BRD10: variants seen among roughly 807,000 people sequenced by gnomAD.
The protein encoded by BRD10 is bromodomain containing 10, also known as uncharacterized bromodomain-containing protein 10.
At chr9:5,969,710 A>C in the BRD10 span, among the ~76,000 whole-genome samples, 1 of 152,048 alleles carries the variant, frequency 6.6e-6, no homozygotes, top group African/African-American at 2.4e-5. Context: ...CACCCAGCTA[A>C]CATTTTGTAT....
At chr9:5,997,104 C>T in the BRD10 span, among the ~76,000 whole-genome samples, 4 of 152,174 alleles carry the variant, frequency 2.6e-5, no homozygotes, top group African/African-American at 9.7e-5. Context: ...GGCAGGAAAG[C>T]TAGAGCAAGT....
the BRD10 span, among the ~76,000 whole-genome samples, chr9:5,930,159 A>G: frequency 6.8e-4 from 100 of 147,928 alleles, no homozygotes; most frequent in Non-Finnish European, 1.2e-3. Flanking sequence ...TAATTCACAC[A>G]TCACACAATC....
the BRD10 span, among the ~76,000 whole-genome samples, chr9:5,907,408 T>C: frequency 6.6e-6 from 1 of 152,220 alleles, no homozygotes; most frequent in East Asian, 1.9e-4. Context: ...AGAGCTGTGC[T>C]GTCTGATGGC....
the BRD10 span, among the ~76,000 whole-genome samples, chr9:5,904,380 T>G: frequency 6.6e-6 from 1 of 152,242 alleles, no homozygotes; most frequent in South Asian, 2.1e-4. Context: ...TCTTTGTTTC[T>G]ATTTTTGTCT....
At chr9:5,949,626 GCA>G in the BRD10 span, among the ~76,000 whole-genome samples, 1 of 152,160 alleles carries the variant, frequency 6.6e-6, no homozygotes, top group Admixed American at 6.5e-5. Flanking sequence ...TGAAATGGGA[GCA>G]AGGGCACACT....
At chr9:5,975,566 T>C in the BRD10 span, among the ~76,000 whole-genome samples, 1 of 147,664 alleles carries the variant, frequency 6.8e-6, no homozygotes, top group Non-Finnish European at 1.5e-5. Context: ...AGACCCAAAC[T>C]ACACTTTTGG....
the BRD10 span, chr9:5,897,534 G>T: frequency 1.3e-6 from 2 of 1,596,868 alleles, no homozygotes; most frequent in Non-Finnish European, 1.7e-6. Flanking sequence ...TGACAAAGTG[G>T]ATTTGTCTAT....
At chr9:5,922,737 C>T in the BRD10 span, 2 of 1,613,936 alleles carry the variant, frequency 1.2e-6, no homozygotes, top group Admixed American at 1.7e-5. Context: ...ATAGGCTGCA[C>T]CTGAATCTTT....
the BRD10 span, chr9:6,007,557 G>T: frequency 6.2e-7 from 1 of 1,612,912 alleles, no homozygotes; most frequent in Non-Finnish European, 8.5e-7. Flanking sequence ...GCTGTAGCTC[G>T]TAGGTCAGCT....
At chr9:5,980,256 C>A in the BRD10 span, among the ~76,000 whole-genome samples, 11 of 152,112 alleles carry the variant, frequency 7.2e-5, no homozygotes, top group Admixed American at 7.2e-4. Flanking sequence ...CCTAAATCAA[C>A]AGGGTCTCTC....
At chr9:5,922,334 G>A in the BRD10 span, 1 of 1,613,978 alleles carries the variant, frequency 6.2e-7, no homozygotes. Flanking sequence ...ACTGGGCAAG[G>A]AGAATGTGGC....
the BRD10 span, among the ~76,000 whole-genome samples, chr9:5,983,700 A>C: frequency 2.0e-5 from 3 of 152,108 alleles, no homozygotes; most frequent in Non-Finnish European, 4.4e-5. Flanking sequence ...TGGATCAAAG[A>C]AGCGAAATGA....
chr9:5,907,072 T>A, the BRD10 span: 1 of 1,039,216 alleles, frequency 9.6e-7, no homozygotes. Flanking sequence ...ATTATTTCCA[T>A]TTAAAAAGCA....
chr9:5,980,451 T>C, the BRD10 span, among the ~76,000 whole-genome samples: 1 of 152,232 alleles, frequency 6.6e-6, no homozygotes, highest in Non-Finnish European at 1.5e-5. Flanking sequence ...GCCAGGATTT[T>C]AAATCTGGCA....
the BRD10 span, among the ~76,000 whole-genome samples, chr9:5,964,616 T>C: frequency 8.5e-5 from 12 of 140,960 alleles, no homozygotes; most frequent in African/African-American, 2.4e-4. Context: ...CGTATGTTTA[T>C]TGCGGCATTA....
the BRD10 span, chr9:5,920,424 T>C: frequency 6.2e-7 from 1 of 1,613,952 alleles, no homozygotes; most frequent in East Asian, 2.2e-5. Flanking sequence ...CTAGTTACAT[T>C]GGATGGTGCC....
the BRD10 span, among the ~76,000 whole-genome samples, chr9:5,912,102 C>G: frequency 6.6e-6 from 1 of 152,064 alleles, no homozygotes; most frequent in African/African-American, 2.4e-5. Context: ...AGATCTTTCA[C>G]TTCTTAATTC....
the BRD10 span, among the ~76,000 whole-genome samples, chr9:5,972,445 T>A: frequency 1.3e-5 from 2 of 152,236 alleles, no homozygotes; most frequent in South Asian, 2.1e-4. Flanking sequence ...CCAATTCTCA[T>A]GGTGAAATTT....
chr9:5,898,488 G>A, the BRD10 span, among the ~76,000 whole-genome samples: 90 of 152,180 alleles, frequency 5.9e-4, 2 homozygotes, highest in African/African-American at 2.0e-3. Context: ...GTTGCATTGG[G>A]GATTAAGTTT....
Sources: allele counts gnomAD v4.1 joint callset (sites outside exome capture counted in the v4.1 genomes callset), GRCh38; gene constraint gnomAD v4.1.1; transcripts MANE v1.5; gene names NCBI Gene and HGNC (gene_info 2026-07-23, HGNC 2026-07-21).